The following GRB14 variants were observed in gnomAD, a reference collection of about 807,000 sequenced individuals.
GRB14 encodes growth factor receptor-bound protein 14.
In GRB14, 38 loss-of-function variants were observed where a neutral mutation model predicts 69.1. The ratio of observed to expected loss-of-function variants is 0.55; its 90% CI spans 0.42 to 0.72. The LOEUF (loss-of-function observed/expected upper bound fraction) is 0.72, where lower values mean the gene tolerates loss of function less well. GRB14 is among the 30% of genes least tolerant of loss of function. The pLI, the probability that GRB14 is intolerant of heterozygous loss-of-function variation, is 0.00. For synonymous variants in GRB14, 247 were observed against 241.3 expected (o/e 1.02, Z -0.22); for missense variants, 666 against 666.1 (o/e 1.00, Z 0.00).
At chr2:164,515,797 T>A in intron 6 of GRB14, among the ~76,000 whole-genome samples, 1 of 83,984 alleles carries the variant, frequency 1.2e-5, no homozygotes, top group Non-Finnish European at 2.5e-5. Flanking sequence ...AAGTTCAACT[T>A]AGTGAGAAAA....
rs1690452643 is a variant in GRB14 at position 164,621,205 on chromosome 2, G to T, written c.105C>A (p.Asp35Glu). 8.0e-7 allele frequency: 1 copy of T among 1,244,230 alleles called. No homozygotes were observed. The highest frequency in any genetic ancestry group is 1.0e-6 in the Non-Finnish European group (1 of 990,078). The allele number at this position is 1,244,230 out of a possible 1,614,324, so 77.1% of individuals were successfully genotyped here. ...QVCGAAQGRG[D>E]AHDLAPAPWL... ...AGGGGGCCGGCGCCAGGTCGTGGGC[G>T]TCGCCCCTCCCCTGGGCAGCGCCAC... is the stretch of plus-strand genomic sequence containing the variant. Residue 35 changes from aspartate to glutamate, a missense_variant, in exon 1 of 14, where the codon GAC (aspartate) becomes GAA (glutamate). Transcript: ENST00000263915. The surrounding 1 kb of genome is among the most constrained non-coding windows in gnomAD (Gnocchi z 6.0).
chr2:164,608,494 G>A (rs1690091629), intron 2 of GRB14, among the ~76,000 whole-genome samples: 2 of 151,866 alleles, frequency 1.3e-5, no homozygotes, highest in Non-Finnish European at 2.9e-5. Flanking sequence ...ATACATTGAT[G>A]GTGCCTATCT....
Position 164,621,136 on chromosome 2 carries a change from G to T in GRB14, c.174C>A (p.Arg58=). ...RALLPLPDGT[R]GCAADRRKKK... is the part of the protein sequence containing the mutation. ...TTGCCTACCTGTCTGCAGCACAGCC[G>T]CGGGTCCCGTCCGGAAGGGGCAGGA... The change falls in exon 1 of 14, where the codon CGC becomes CGA. Residue 58 remains arginine (R), a synonymous_variant. Transcript: ENST00000263915. This position sits in a 1 kb window ranked among gnomAD's most constrained non-coding sequence, Gnocchi z 6.0. 1 of 1,246,102 alleles carries T rather than the reference G, an allele frequency of 8.0e-7. No homozygotes were observed. The highest frequency in any genetic ancestry group is 1.0e-6 in the Non-Finnish European group (1 of 988,380). The allele number at this position is 1,246,102 out of a possible 1,614,324, so 77.2% of individuals were successfully genotyped here. A position where few individuals can be genotyped will look rare whatever the true frequency, so the allele number is the denominator to read the frequency against.
At chr2:164,572,629 G>A (rs73028051) in intron 2 of GRB14, among the ~76,000 whole-genome samples, 1 of 152,072 alleles carries the variant, frequency 6.6e-6, no homozygotes, top group Non-Finnish European at 1.5e-5. Flanking sequence ...ACCTGTCCTT[G>A]CAATACTACC....
chr2:164,568,125 T>C (rs1345751432), intron 2 of GRB14, among the ~76,000 whole-genome samples: 2 of 152,222 alleles, frequency 1.3e-5, no homozygotes, highest in Non-Finnish European at 2.9e-5. Flanking sequence ...AGCGATGTCC[T>C]AGCGCAGTAT....
chr2:164,495,011 G>A (rs1043668842), intron 12 of GRB14, among the ~76,000 whole-genome samples: 3 of 151,668 alleles, frequency 2.0e-5, no homozygotes, highest in Non-Finnish European at 4.4e-5. Flanking sequence ...GAGTGCTCTC[G>A]GCTCACTGCA....
intron 8 of GRB14, among the ~76,000 whole-genome samples, chr2:164,506,691 T>C (rs967415783): frequency 2.6e-5 from 4 of 152,034 alleles, no homozygotes; most frequent in Non-Finnish European, 5.9e-5. Flanking sequence ...TAGCCAAAGG[T>C]AGAAACAACC....
Position 164,522,121 on chromosome 2 carries a change from A to C in GRB14, c.679-4T>G. ...ATGTGCTTGAACTCAGAAACATCTG[A>C]AAGAAAATTTATATATTTTCAAACT... On this transcript the variant is annotated splice_region_variant and splice_polypyrimidine_tract_variant and intron_variant, in intron 5 of 13. Coordinates refer to ENST00000263915, the MANE Select transcript of GRB14 (RefSeq NM_004490.3). 6.5e-7 allele frequency: 1 copy of C among 1,532,634 alleles called. No individual in the cohort carries two copies. The highest frequency in any genetic ancestry group is 8.9e-7 in the Non-Finnish European group (1 of 1,122,584). 94.9% of individuals were successfully genotyped at this position (1,532,634 alleles called of 1,614,324 possible). A position where few individuals can be genotyped will look rare whatever the true frequency, so the allele number is the denominator to read the frequency against.
chr2:164,538,803 A>G (rs542328523), intron 3 of GRB14, among the ~76,000 whole-genome samples: 1 of 152,348 alleles, frequency 6.6e-6, no homozygotes, highest in African/African-American at 2.4e-5. Flanking sequence ...AACTTTTAGC[A>G]TGATTCTCTC....
At chr2:164,527,807 C>T (rs1687820735) in intron 3 of GRB14, among the ~76,000 whole-genome samples, 1 of 151,868 alleles carries the variant, frequency 6.6e-6, no homozygotes, top group East Asian at 1.9e-4. Flanking sequence ...AGAAAAGGCA[C>T]TTAAATGAAG....
intron 3 of GRB14, among the ~76,000 whole-genome samples, chr2:164,538,264 C>T (rs936612802): frequency 6.6e-6 from 1 of 152,104 alleles, no homozygotes; most frequent in Non-Finnish European, 1.5e-5. Flanking sequence ...TGTAGGTATG[C>T]GCTTGAGGTA....
intron 2 of GRB14, among the ~76,000 whole-genome samples, chr2:164,601,388 G>T (rs1689910172): frequency 6.6e-6 from 1 of 152,226 alleles, no homozygotes; most frequent in South Asian, 2.1e-4. Flanking sequence ...TGGTTTCATG[G>T]GTGGTGTAAA....
At chr2:164,604,838 G>T (rs1690006349) in intron 2 of GRB14, among the ~76,000 whole-genome samples, 1 of 152,134 alleles carries the variant, frequency 6.6e-6, no homozygotes, top group Non-Finnish European at 1.5e-5. Context: ...ATGCAGATTT[G>T]TGGTTGCGAG....
intron 3 of GRB14, among the ~76,000 whole-genome samples, chr2:164,542,122 C>T (rs540591944): frequency 6.6e-6 from 1 of 152,120 alleles, no homozygotes; most frequent in Admixed American, 6.6e-5. Flanking sequence ...GAAATAAAGC[C>T]ATACTCCTAC....
chr2:164,585,046 G>A (rs946381699), intron 2 of GRB14, among the ~76,000 whole-genome samples: 21 of 130,848 alleles, frequency 1.6e-4, no homozygotes, highest in Non-Finnish European at 2.8e-4. Context: ...GGGTTCAAGT[G>A]ATTCTCCTGC....
chr2:164,573,820 C>T (rs1462449959), intron 2 of GRB14: 5 of 1,612,828 alleles, frequency 3.1e-6, no homozygotes, highest in Middle Eastern at 2.0e-4. Flanking sequence ...ATAAATTGAA[C>T]ATGACTCCAG....
At chr2:164,493,603 T>A (rs1172166158) in intron 13 of GRB14, among the ~76,000 whole-genome samples, 1 of 152,220 alleles carries the variant, frequency 6.6e-6, no homozygotes, top group African/African-American at 2.4e-5. Context: ...TATTCTGAAG[T>A]AATCACATAT....
chr2:164,537,802 C>T (rs985657185), intron 3 of GRB14, among the ~76,000 whole-genome samples: 4 of 152,152 alleles, frequency 2.6e-5, no homozygotes, highest in Non-Finnish European at 2.9e-5. Context: ...GACACCATGT[C>T]TCCTGAAAGC....
chr2:164,499,153 C>T (rs1686984198), intron 9 of GRB14, among the ~76,000 whole-genome samples: 1 of 151,956 alleles, frequency 6.6e-6, no homozygotes, highest in Admixed American at 6.6e-5. Flanking sequence ...CGTTTACATG[C>T]CAAGGTAGGT....
Sources: gnomAD v4.1 joint callset for allele counts (sites outside exome capture counted in the v4.1 genomes callset) on GRCh38, gnomAD v4.1.1 for gene constraint, Gnocchi (gnomAD v3.1) non-coding constraint, MANE v1.5 for transcripts, NCBI Gene and HGNC (gene_info 2026-07-23, HGNC 2026-07-21) for gene names.